The following LINC00305 variants were observed in gnomAD, a reference collection of about 807,000 sequenced individuals.
The protein encoded by LINC00305 is long intergenic non-protein coding RNA 305.
At chr18:64,134,485 C>T (rs2051423660) in intron 1 of LINC00305, among the ~76,000 whole-genome samples, 2 of 152,186 alleles carry the variant, frequency 1.3e-5, no homozygotes, top group Non-Finnish European at 2.9e-5. Context: ...AACGCTCAAG[C>T]TCAGCATGAG....
chr18:64,129,520 G>T (rs1043064392), intron 1 of LINC00305, among the ~76,000 whole-genome samples: 1 of 152,008 alleles, frequency 6.6e-6, no homozygotes, highest in Non-Finnish European at 1.5e-5. Flanking sequence ...TACTTTTGCT[G>T]TTATTCCTCT....
intron 1 of LINC00305, among the ~76,000 whole-genome samples, chr18:64,140,064 A>T (rs940241537): frequency 8.6e-5 from 13 of 151,994 alleles, no homozygotes; most frequent in Admixed American, 2.0e-4. Flanking sequence ...TCGACTCAGG[A>T]TGTGTGGCCC....
At chr18:64,092,017 G>C (rs980015505) in intron 3 of LINC00305, among the ~76,000 whole-genome samples, 1 of 152,146 alleles carries the variant, frequency 6.6e-6, no homozygotes, top group Non-Finnish European at 1.5e-5. Flanking sequence ...TGAGGTATGA[G>C]AATAAAAATG....
In LINC00305 at chr18:64,118,024, A is replaced by G. The variant is rs565119856; in HGVS notation, n.315-19384T>C. 5.3e-5 allele frequency among the ~76,000 whole-genome samples: 8 copies of G among 152,286 alleles called. No homozygotes were observed. The East Asian group carries it at 1.5e-3, about 29-fold the overall frequency. ...CTTATGGAGATTTTCTAATAATAAG[A>G]TAGAGTAGAATCTCAGAGATCCTTG... On this transcript the variant is annotated intron_variant and non_coding_transcript_variant, in intron 1 of 3. Coordinates refer to ENST00000666468, the Ensembl canonical transcript of LINC00305.
intron 1 of LINC00305, among the ~76,000 whole-genome samples, chr18:64,125,663 T>TAA (rs752711046): frequency 7.4e-4 from 112 of 152,200 alleles, no homozygotes; most frequent in African/African-American, 2.6e-3. Context: ...TGTCCTGTTA[T>TAA]CCTCCTTTCC....
At chr18:64,136,560 C>G (rs1599229586) in intron 1 of LINC00305, among the ~76,000 whole-genome samples, 1 of 152,184 alleles carries the variant, frequency 6.6e-6, no homozygotes, top group South Asian at 2.1e-4. Context: ...ATTATCTCCA[C>G]CTGGTCCCAC....
At chr18:64,118,252 G>A (rs1240959001) in intron 1 of LINC00305, among the ~76,000 whole-genome samples, 2 of 152,216 alleles carry the variant, frequency 1.3e-5, no homozygotes, top group East Asian at 3.9e-4. Context: ...ATGAAACTGA[G>A]TTCAGTTAGG....
intron 1 of LINC00305, among the ~76,000 whole-genome samples, chr18:64,146,518 C>A (rs888464303): frequency 6.6e-6 from 1 of 152,120 alleles, no homozygotes; most frequent in Admixed American, 6.5e-5. Flanking sequence ...GAGATTTGAT[C>A]GACCTGGTGC....
intron 1 of LINC00305, among the ~76,000 whole-genome samples, chr18:64,124,909 C>A (rs1452376592): frequency 6.6e-6 from 1 of 152,060 alleles, no homozygotes; most frequent in East Asian, 1.9e-4. Context: ...AAGTCTAACA[C>A]CAAATTCAAT....
chr18:64,114,458 T>TTGA (rs2051329076), intron 1 of LINC00305, among the ~76,000 whole-genome samples: 1 of 152,194 alleles, frequency 6.6e-6, no homozygotes, highest in African/African-American at 2.4e-5. Flanking sequence ...TCTGGTTTGA[T>TTGA]TGATGACATT....
exon 1 of LINC00305, chr18:64,148,834 A>T (rs1431466156): frequency 6.6e-6 from 1 of 152,266 alleles, no homozygotes; most frequent in Non-Finnish European, 1.5e-5. Context: ...AGGATGCCTC[A>T]GCTGGTTTCA....
intron 1 of LINC00305, chr18:64,103,978 C>G (rs1292387693): frequency 6.6e-6 from 1 of 152,278 alleles, no homozygotes; most frequent in African/African-American, 2.4e-5. Flanking sequence ...AAATGTATTT[C>G]TTATGTCAAT....
chr18:64,136,336 T>C (rs1254843608), intron 1 of LINC00305, among the ~76,000 whole-genome samples: 1 of 152,138 alleles, frequency 6.6e-6, no homozygotes, highest in East Asian at 1.9e-4. Flanking sequence ...CTGGGTAGTT[T>C]ATAAAGGAAA....
In LINC00305 at chr18:64,116,419, A is replaced by G. The variant is rs534397535; in HGVS notation, n.315-17779T>C. On this transcript the variant is annotated intron_variant and non_coding_transcript_variant, in intron 1 of 3. Coordinates refer to ENST00000666468, the Ensembl canonical transcript of LINC00305. ...TATTAATTGCATAAACTATACTCCTATATAAACATCTTAAGAATATTTATT... is the reference window on the plus strand; with the variant it reads ...TATTAATTGCATAAACTATACTCCTGTATAAACATCTTAAGAATATTTATT... 5.3e-5 allele frequency among the ~76,000 whole-genome samples: 8 copies of G among 152,338 alleles called. No homozygotes were observed. The South Asian group carries it at 8.3e-4, about 16-fold the overall frequency.
intron 3 of LINC00305, among the ~76,000 whole-genome samples, chr18:64,085,903 A>G (rs2051201500): frequency 6.6e-6 from 1 of 152,208 alleles, no homozygotes; most frequent in Non-Finnish European, 1.5e-5. Context: ...TAATCTATAA[A>G]TGGGAATTGC....
intron 3 of LINC00305, among the ~76,000 whole-genome samples, chr18:64,081,919 A>G (rs1484669919): frequency 1.3e-5 from 2 of 152,196 alleles, no homozygotes; most frequent in African/African-American, 4.8e-5. Flanking sequence ...AACAAATGAA[A>G]AAACAGCATG....
At chr18:64,121,912 T>A (rs1228629012) in intron 1 of LINC00305, among the ~76,000 whole-genome samples, 1 of 152,160 alleles carries the variant, frequency 6.6e-6, no homozygotes, top group Non-Finnish European at 1.5e-5. Context: ...ATATTGTAGT[T>A]TTACTTTGAA....
At chr18:64,147,943 C>T (rs541603573) in intron 1 of LINC00305, among the ~76,000 whole-genome samples, 39 of 152,142 alleles carry the variant, frequency 2.6e-4, no homozygotes, top group Admixed American at 2.2e-3. Flanking sequence ...GACCAGTGAA[C>T]ACCATTCACA....
chr18:64,092,724 G>A (rs576812505), intron 3 of LINC00305, among the ~76,000 whole-genome samples: 3 of 152,274 alleles, frequency 2.0e-5, no homozygotes, highest in East Asian at 1.9e-4. Context: ...CTCCTCTCAC[G>A]TGAACTCTCT....
Sources: allele counts gnomAD v4.1 joint callset (sites outside exome capture counted in the v4.1 genomes callset), GRCh38; gene constraint gnomAD v4.1.1; transcripts MANE v1.5; gene names NCBI Gene and HGNC (gene_info 2026-07-23, HGNC 2026-07-21).